Variants in ITGB6 observed in about 807,000 individuals in gnomAD.
ITGB6 encodes the protein integrin beta-6.
Under a neutral mutation model 84.5 loss-of-function variants are expected in ITGB6, and 80 were observed. The ratio of observed to expected loss-of-function variants is 0.95; its 90% CI spans 0.79 to 1.14. ITGB6 has a LOEUF of 1.14. Among genes scored for constraint, ITGB6 ranks in the 50% most tolerant of loss-of-function variants. ITGB6 has a pLI of 0.00. For missense variants in ITGB6, 1,006 were observed against 968.0 expected (o/e 1.04, Z -0.52); for synonymous variants, 383 against 354.9 (o/e 1.08, Z -0.89).
chr2:160,159,555 A>G (rs989304317), intron 7 of ITGB6, among the ~76,000 whole-genome samples: 1 of 152,140 alleles, frequency 6.6e-6, no homozygotes, highest in African/African-American at 2.4e-5. Context: ...ACTGCCTTCA[A>G]GATTGAAGGG....
chr2:160,108,281 C>A (rs959820547), intron 13 of ITGB6, among the ~76,000 whole-genome samples: 1 of 146,530 alleles, frequency 6.8e-6, no homozygotes, highest in Non-Finnish European at 1.5e-5. Context: ...TTTTCATGGA[C>A]CTTCTTGAAT....
intron 12 of ITGB6, among the ~76,000 whole-genome samples, chr2:160,122,236 A>G (rs1425001852): frequency 6.6e-6 from 1 of 152,132 alleles, no homozygotes; most frequent in Non-Finnish European, 1.5e-5. Context: ...CAAAAAGAAT[A>G]ATGTAAGTAT....
chr2:160,163,529 G>A (rs187995616), intron 7 of ITGB6, among the ~76,000 whole-genome samples: 252 of 152,222 alleles, frequency 1.7e-3, no homozygotes, highest in Admixed American at 4.7e-3. Flanking sequence ...CTACTCAGGA[G>A]GCTGAGGCTG....
intron 7 of ITGB6, among the ~76,000 whole-genome samples, chr2:160,168,620 G>A (rs545761184): frequency 4.6e-5 from 7 of 152,312 alleles, no homozygotes; most frequent in East Asian, 1.9e-4. Flanking sequence ...TTTGGGGACA[G>A]CACTTCATCT....
intron 2 of ITGB6, among the ~76,000 whole-genome samples, chr2:160,197,262 C>A (rs1368655714): frequency 6.6e-6 from 1 of 152,000 alleles, no homozygotes; most frequent in Non-Finnish European, 1.5e-5. Flanking sequence ...TGCCACTGCA[C>A]TCTAGCCTGG....
At chr2:160,198,586 T>C (rs1040372105) in intron 2 of ITGB6, among the ~76,000 whole-genome samples, 3 of 152,250 alleles carry the variant, frequency 2.0e-5, no homozygotes, top group Non-Finnish European at 4.4e-5. Flanking sequence ...ATCTTCATAC[T>C]GCTTTCATGT....
In ITGB6 at chr2:160,200,187, C is replaced by T. The variant is rs918646077; in HGVS notation, c.-124G>A. 8.4e-6 allele frequency: 6 copies of T among 716,828 alleles called. No individual in the cohort carries two copies. The highest frequency in any genetic ancestry group is 5.7e-5 in the East Asian group (2 of 35,160). 44.4% of individuals were successfully genotyped at this position (716,828 alleles called of 1,614,324 possible). A position where few individuals can be genotyped will look rare whatever the true frequency, so the allele number is the denominator to read the frequency against. ...TATAACATTTTAAATACTACTTACA[C>T]TGCTTTGAAAAGAAACTTGAGATAT... is the stretch of plus-strand genomic sequence containing the variant. On this transcript the variant is annotated 5_prime_UTR_variant, in exon 1 of 15. It adds an upstream start codon to the 5' untranslated region. Coordinates refer to ENST00000283249, the MANE Select transcript of ITGB6 (RefSeq NM_000888.5).
chr2:160,111,497 A>T (rs7563574), intron 13 of ITGB6, among the ~76,000 whole-genome samples: 101,485 of 151,736 alleles, frequency 0.67, 34,273 homozygotes, highest in Admixed American at 0.74. Flanking sequence ...CCAGAGCAAG[A>T]CTCCAGGGGC....
chr2:160,159,949 T>C (rs1021507748), intron 7 of ITGB6, among the ~76,000 whole-genome samples: 8 of 152,182 alleles, frequency 5.3e-5, no homozygotes, highest in African/African-American at 1.4e-4. Flanking sequence ...AAACAGTGTC[T>C]TTTTTTATTC....
In ITGB6 at chr2:160,126,834, T is replaced by A. The variant is rs1457236; in HGVS notation, c.1661-233A>T. Among the ~76,000 whole-genome samples the A allele has an allele frequency of 1.3e-4, 20 of 152,164 alleles. No homozygotes were observed. In the South Asian group the frequency reaches 3.1e-3, roughly 24 times the overall value. On this transcript the variant is annotated intron_variant, in intron 10 of 14. Coordinates refer to ENST00000283249, the MANE Select transcript of ITGB6 (RefSeq NM_000888.5). ...GTCTCCTAACTGAAGATCCACTTGC[T>A]TACTTTATGTTTGTAAACCATAAAT...
At chr2:160,140,858 G>A (rs1683972048) in intron 8 of ITGB6, among the ~76,000 whole-genome samples, 1 of 152,176 alleles carries the variant, frequency 6.6e-6, no homozygotes, top group Admixed American at 6.5e-5. Context: ...TCCTTCAGGG[G>A]AGTTTCAAAA....
At chr2:160,161,013 GAATACTGGA>G (rs1269838431) in intron 7 of ITGB6, among the ~76,000 whole-genome samples, 2 of 152,134 alleles carry the variant, frequency 1.3e-5, no homozygotes, top group African/African-American at 4.8e-5. Context: ...ATAAGAAAAT[GAATACTGGA>G]AATAATTTGT....
In ITGB6 at chr2:160,164,317, G is replaced by T. The variant is rs1022039885; in HGVS notation, c.1017+4895C>A. On this transcript the variant is annotated intron_variant, in intron 7 of 14. Coordinates refer to ENST00000283249, the MANE Select transcript of ITGB6 (RefSeq NM_000888.5). Reference sequence around the variant, plus strand: ...AATGAATGACTATGCAGTCTATAGCGTCTTAGTTTCAATGATATGCTAGAT... The same window carrying T: ...AATGAATGACTATGCAGTCTATAGCTTCTTAGTTTCAATGATATGCTAGAT... Among the ~76,000 whole-genome samples the T allele has an allele frequency of 3.3e-5, 5 of 152,162 alleles. No individual in the cohort carries two copies. The East Asian group carries it at 9.6e-4, about 29-fold the overall frequency.
At position 160,180,131 on chromosome 2, in the gene ITGB6, AAC is replaced by A. The variant is rs199829528; in HGVS notation, c.594-5994_594-5993del. Among the ~76,000 whole-genome samples the A allele has an allele frequency of 6.8e-5, 10 of 146,956 alleles. No homozygotes were observed. The South Asian group carries it at 1.9e-3, about 28-fold the overall frequency. On this transcript the variant is annotated intron_variant, in intron 4 of 14. Transcript: ENST00000283249. ...TCCACCTCAAAAAAAAAAAAAAACA[AAC>A]AAAAAAAACAACCTTCAGAATGTTG...
At chr2:160,187,902 A>T (rs186913721) in intron 4 of ITGB6, among the ~76,000 whole-genome samples, 1 of 152,288 alleles carries the variant, frequency 6.6e-6, no homozygotes, top group Admixed American at 6.5e-5. Context: ...CAAGAGTCTA[A>T]GGGAGTCCTG....
At chr2:160,122,992 C>T (rs576981163) in intron 12 of ITGB6, among the ~76,000 whole-genome samples, 2 of 152,278 alleles carry the variant, frequency 1.3e-5, no homozygotes, top group Non-Finnish European at 2.9e-5. Context: ...GATAATGCAG[C>T]GAGTTCAGGA....
chr2:160,113,449 A>G (rs1246027878), intron 12 of ITGB6, among the ~76,000 whole-genome samples: 2 of 152,244 alleles, frequency 1.3e-5, no homozygotes, highest in African/African-American at 4.8e-5. Context: ...TGAAAACAGG[A>G]ACCAGCAAGA....
intron 10 of ITGB6, among the ~76,000 whole-genome samples, chr2:160,128,219 G>T (rs1199946714): frequency 6.6e-6 from 1 of 151,826 alleles, no homozygotes; most frequent in East Asian, 1.9e-4. Flanking sequence ...GAGATTTGAG[G>T]GTTTCCAAAG....
chr2:160,177,549 C>T (rs1051855569), intron 4 of ITGB6, among the ~76,000 whole-genome samples: 2 of 149,880 alleles, frequency 1.3e-5, no homozygotes, highest in Non-Finnish European at 3.0e-5. Context: ...CCAGCCTGGG[C>T]GATAGAGCAA....
Sources: allele counts gnomAD v4.1 joint callset (sites outside exome capture counted in the v4.1 genomes callset), GRCh38; gene constraint gnomAD v4.1.1; transcripts MANE v1.5; gene names NCBI Gene and HGNC (gene_info 2026-07-23, HGNC 2026-07-21).